CDKN2B-AS1: variants seen among roughly 807,000 people sequenced by gnomAD.
CDKN2B-AS1 encodes the protein CDKN2B antisense RNA 1 (non-protein coding).
intron 4 of CDKN2B-AS1, among the ~76,000 whole-genome samples, chr9:22,073,045 A>C (rs564480742): frequency 1.9e-4 from 29 of 152,246 alleles, no homozygotes; most frequent in African/African-American, 7.0e-4. Context: ...TTTTTTGCAC[A>C]GTGAAAATTG....
chr9:22,088,217 G>A (rs1268477798), intron 4 of CDKN2B-AS1, among the ~76,000 whole-genome samples: 1 of 152,166 alleles, frequency 6.6e-6, no homozygotes, highest in Admixed American at 6.5e-5. Context: ...GGCTTAAAGA[G>A]CAATCAGCCT....
chr9:22,005,435 G>A lies in CDKN2B-AS1; in HGVS notation n.29+10274G>A, dbSNP rs759296073. ...ACTTGCCATGCGCTCAAACTAAAGC[G>A]CCGCCGGGGACTTACTGAAGCCCAC... On this transcript the variant is annotated intron_variant and non_coding_transcript_variant, in intron 1 of 4. Coordinates refer to ENST00000650946, the Ensembl canonical transcript of CDKN2B-AS1. This position sits in a 1 kb window ranked among gnomAD's most constrained non-coding sequence, Gnocchi z 4.9. 3 of 245,648 alleles carry A rather than the reference G, an allele frequency of 1.2e-5. No individual in the cohort carries two copies. The highest frequency in any genetic ancestry group is 5.8e-5 in the East Asian group (1 of 17,204). The allele number at this position is 245,648 out of a possible 1,614,324, so 15.2% of individuals were successfully genotyped here. A position where few individuals can be genotyped will look rare whatever the true frequency, so the allele number is the denominator to read the frequency against.
chr9:22,084,572 GGT>G (rs1824805015), intron 4 of CDKN2B-AS1, among the ~76,000 whole-genome samples: 1 of 151,946 alleles, frequency 6.6e-6, no homozygotes, highest in South Asian at 2.1e-4. Flanking sequence ...GGTGGGCAGG[GGT>G]GTGATATGGG....
intron 1 of CDKN2B-AS1, among the ~76,000 whole-genome samples, chr9:22,044,155 T>A (rs1056286853): frequency 2.0e-5 from 3 of 152,046 alleles, no homozygotes; most frequent in Non-Finnish European, 2.9e-5. Context: ...CACGACAAGA[T>A]GTTTTAGTAT....
chr9:22,070,037 C>T (rs2131313223), intron 4 of CDKN2B-AS1, among the ~76,000 whole-genome samples: 1 of 152,258 alleles, frequency 6.6e-6, no homozygotes, highest in South Asian at 2.1e-4. Context: ...TGGTAAATCT[C>T]ACTCATTTTA....
chr9:22,095,702 A>G (rs1219755846), intron 4 of CDKN2B-AS1, among the ~76,000 whole-genome samples: 19 of 146,074 alleles, frequency 1.3e-4, no homozygotes, highest in Non-Finnish European at 1.8e-4. Context: ...AAAGTGTCCT[A>G]TTATTATTGT....
chr9:22,016,060 A>G (rs1251283307), intron 1 of CDKN2B-AS1, among the ~76,000 whole-genome samples: 2 of 152,072 alleles, frequency 1.3e-5, no homozygotes, highest in Non-Finnish European at 2.9e-5. Flanking sequence ...GTTCACTCTG[A>G]TGATAGTTTC....
chr9:22,040,832 G>T (rs879266768), intron 1 of CDKN2B-AS1, among the ~76,000 whole-genome samples: 2 of 152,032 alleles, frequency 1.3e-5, no homozygotes, highest in Non-Finnish European at 2.9e-5. Flanking sequence ...TGACATTTCT[G>T]TCAGTCAGTG....
intron 4 of CDKN2B-AS1, among the ~76,000 whole-genome samples, chr9:22,072,433 C>G (rs895541786): frequency 3.9e-5 from 6 of 152,174 alleles, no homozygotes; most frequent in African/African-American, 1.2e-4. Flanking sequence ...AGGGGACAGA[C>G]AGAGACACTA....
Position 22,007,690 on chromosome 9 carries a change from G to C in CDKN2B-AS1, n.29+12529G>C, listed in dbSNP as rs542191987. ...TTTCATCTCTTAAAAACCGTGATAA[G>C]TTATATCTACTAGTGATGTAAGGAT... is the stretch of plus-strand genomic sequence containing the variant. On this transcript the variant is annotated intron_variant and non_coding_transcript_variant, in intron 1 of 4. Transcript: ENST00000650946. Among the ~76,000 whole-genome samples, 5 of 152,096 alleles carry C rather than the reference G, an allele frequency of 3.3e-5. No homozygotes were observed. In the South Asian group the frequency reaches 1.0e-3, roughly 32 times the overall value.
intron 1 of CDKN2B-AS1, among the ~76,000 whole-genome samples, chr9:22,042,719 T>C (rs1822947040): frequency 6.6e-6 from 1 of 152,084 alleles, no homozygotes; most frequent in Non-Finnish European, 1.5e-5. Context: ...TTGTCCATAA[T>C]ATTAACCTTG....
intron 4 of CDKN2B-AS1, among the ~76,000 whole-genome samples, chr9:22,085,745 C>T (rs988086088): frequency 2.6e-5 from 4 of 150,962 alleles, no homozygotes; most frequent in African/African-American, 9.8e-5. Context: ...AAAAAAGTCC[C>T]TCTCTTTATA....
chr9:22,037,950 A>G (rs1822754421), intron 1 of CDKN2B-AS1, among the ~76,000 whole-genome samples: 1 of 152,082 alleles, frequency 6.6e-6, no homozygotes, highest in African/African-American at 2.4e-5. Flanking sequence ...TAGGGAAAAT[A>G]ATGTTTTCCT....
intron 1 of CDKN2B-AS1, among the ~76,000 whole-genome samples, chr9:22,036,477 T>C (rs1285798096): frequency 6.6e-6 from 1 of 152,148 alleles, no homozygotes; most frequent in Non-Finnish European, 1.5e-5. Flanking sequence ...ATAACAAAGT[T>C]AGTCTACAGC....
intron 4 of CDKN2B-AS1, among the ~76,000 whole-genome samples, chr9:22,098,157 C>CTG (rs35998780): frequency 0.079 from 11,553 of 146,004 alleles, 649 homozygotes; most frequent in East Asian, 0.2. Context: ...CTCTCTGTCT[C>CTG]TGTGTGTGTG....
chr9:22,071,608 C>T (rs1332159331), intron 4 of CDKN2B-AS1, among the ~76,000 whole-genome samples: 2 of 152,024 alleles, frequency 1.3e-5, no homozygotes, highest in African/African-American at 2.4e-5. Context: ...CTTTCTGGGA[C>T]TGTATTCATT....
At chr9:22,014,559 T>C (rs1458727661) in intron 1 of CDKN2B-AS1, among the ~76,000 whole-genome samples, 1 of 152,170 alleles carries the variant, frequency 6.6e-6, no homozygotes, top group Non-Finnish European at 1.5e-5. Context: ...GATTTTGAAA[T>C]GTATTTATAA....
At chr9:22,119,194 T>C (rs1439352496) in intron 4 of CDKN2B-AS1, 1 of 152,130 alleles carries the variant, frequency 6.6e-6, no homozygotes, top group Non-Finnish European at 1.5e-5. Flanking sequence ...TAGTACACTG[T>C]GTCTGGCATC....
intron 1 of CDKN2B-AS1, among the ~76,000 whole-genome samples, chr9:22,002,513 C>T (rs1820969896): frequency 1.3e-5 from 2 of 151,788 alleles, no homozygotes; most frequent in Non-Finnish European, 2.9e-5. Flanking sequence ...CATATCAATG[C>T]ACACAGTGTG....
Sources: gnomAD v4.1 joint callset for allele counts (sites outside exome capture counted in the v4.1 genomes callset) on GRCh38, gnomAD v4.1.1 for gene constraint, Gnocchi (gnomAD v3.1) non-coding constraint, MANE v1.5 for transcripts, NCBI Gene and HGNC (gene_info 2026-07-23, HGNC 2026-07-21) for gene names.